Variants in KLF7 observed in about 807,000 individuals in gnomAD.
The protein encoded by KLF7 is Krueppel-like factor 7.
KLF7 carries 2 observed loss-of-function variants against 27.3 expected under a neutral mutation model. That is an observed-to-expected ratio of 0.07 (90% CI 0.03 to 0.23). KLF7 has a LOEUF of 0.23. Ranked by LOEUF, KLF7 falls within the 10% of genes least tolerant of loss-of-function variation. The probability of loss-of-function intolerance (pLI) is 1.00; values close to 1 mark genes in which losing one functional copy is unlikely to be tolerated. For missense variants in KLF7, 221 were observed against 394.1 expected (o/e 0.56, Z 3.72); for synonymous variants, 165 against 162.4 (o/e 1.02, Z -0.12).
chr2:207,128,056 T>C (rs1012193907), intron 1 of KLF7, among the ~76,000 whole-genome samples: 1 of 152,028 alleles, frequency 6.6e-6, no homozygotes, highest in African/African-American at 2.4e-5. Context: ...GGGATCTTGG[T>C]TTCTAAATAT....
intron 2 of KLF7, among the ~76,000 whole-genome samples, chr2:207,088,953 T>A (rs1351984398): frequency 2.0e-5 from 3 of 152,222 alleles, no homozygotes; most frequent in African/African-American, 7.2e-5. Context: ...TGTGCTATTT[T>A]CATCTGAACC....
intron 2 of KLF7, among the ~76,000 whole-genome samples, chr2:207,095,525 C>T (rs1339044718): frequency 6.6e-6 from 1 of 152,234 alleles, no homozygotes; most frequent in East Asian, 1.9e-4. Context: ...TGACTGAATA[C>T]TGCAACTGCT....
chr2:207,075,908 T>G lies in KLF7; in HGVS notation c.*5305A>C, dbSNP rs1652135616. The G allele has an allele frequency of 6.6e-6, 1 of 152,072 alleles. No homozygotes were observed. The highest frequency in any genetic ancestry group is 2.4e-5 in the African/African-American group (1 of 41,396). 9.4% of individuals were successfully genotyped at this position (152,072 alleles called of 1,614,324 possible). A position where few individuals can be genotyped will look rare whatever the true frequency, so the allele number is the denominator to read the frequency against. On this transcript the variant is annotated 3_prime_UTR_variant, in exon 4 of 4. Transcript: ENST00000309446. ...AACCAGCCAATAAGCCCCAAAGCCT[T>G]CAGGACCTAGGTTTGCAGAAATCGT... is the stretch of plus-strand genomic sequence containing the variant.
At chr2:207,087,910 C>A (rs1256793351) in intron 3 of KLF7, among the ~76,000 whole-genome samples, 2 of 151,866 alleles carry the variant, frequency 1.3e-5, no homozygotes, top group Non-Finnish European at 2.9e-5. Context: ...TTTTTTGCAC[C>A]CTTGTACCTA....
rs1307338793 is a variant in KLF7, at chr2:207,165,756, G to T, written c.-188C>A. 2 of 1,440,276 alleles carry T rather than the reference G, an allele frequency of 1.4e-6. No homozygotes were observed. Among genetic ancestry groups the T allele is most frequent in the Non-Finnish European group, 1.8e-6 (2 of 1,103,432 alleles). The allele number at this position is 1,440,276 out of a possible 1,614,324, so 89.2% of individuals were successfully genotyped here. On this transcript the variant is annotated 5_prime_UTR_variant, in exon 1 of 4. Coordinates refer to ENST00000309446, the MANE Select transcript of KLF7 (RefSeq NM_003709.4). ...TGCAGGAGAGGGAGAGAGGAGGTGA[G>T]AGAGGAGCGAGTGAGTGGGGTGGAT...
intron 2 of KLF7, among the ~76,000 whole-genome samples, chr2:207,108,432 A>G (rs1454785695): frequency 6.6e-6 from 1 of 152,254 alleles, no homozygotes; most frequent in Non-Finnish European, 1.5e-5. Context: ...ACAGGAACAC[A>G]GGATCACACA....
chr2:207,162,025 C>A (rs1296085388), intron 1 of KLF7, among the ~76,000 whole-genome samples: 5 of 152,200 alleles, frequency 3.3e-5, no homozygotes, highest in Non-Finnish European at 7.3e-5. Context: ...CCAAATAAGA[C>A]TTAGATCATC....
At chr2:207,148,958 A>G (rs957389448) in intron 1 of KLF7, 2 of 1,015,702 alleles carry the variant, frequency 2.0e-6, no homozygotes, top group African/African-American at 3.5e-5. Context: ...GGTGCCCTTA[A>G]TATATGATAT....
intron 1 of KLF7, among the ~76,000 whole-genome samples, chr2:207,152,272 TACACACACACACAC>T (rs67380335): frequency 1.5e-4 from 22 of 150,462 alleles, no homozygotes; most frequent in African/African-American, 5.4e-4. Flanking sequence ...ATGTTTTTCT[TACACACACACACAC>T]ACACACACAC....
rs981053386 is a variant in KLF7, at chr2:207,078,609, T to C, written c.*2604A>G. On this transcript the variant is annotated 3_prime_UTR_variant, in exon 4 of 4. Coordinates refer to ENST00000309446, the MANE Select transcript of KLF7 (RefSeq NM_003709.4). ...ATTTGCAAATCGTGGTGGCCATGGCTTAATGCCATCACTGGCGTGTGCGTG... is the reference window on the plus strand; with the variant it reads ...ATTTGCAAATCGTGGTGGCCATGGCCTAATGCCATCACTGGCGTGTGCGTG... 1 of 152,256 alleles carries C rather than the reference T, an allele frequency of 6.6e-6. No individual in the cohort carries two copies. The highest frequency in any genetic ancestry group is 2.4e-5 in the African/African-American group (1 of 41,468). 9.4% of individuals were successfully genotyped at this position (152,256 alleles called of 1,614,324 possible). A position where few individuals can be genotyped will look rare whatever the true frequency, so the allele number is the denominator to read the frequency against.
chr2:207,086,935 A>T (rs1327394402), intron 3 of KLF7, among the ~76,000 whole-genome samples: 1 of 152,210 alleles, frequency 6.6e-6, no homozygotes, highest in East Asian at 1.9e-4. Flanking sequence ...TCTCCTTCAA[A>T]AGACTATGGA....
intron 1 of KLF7, among the ~76,000 whole-genome samples, chr2:207,164,303 C>T (rs1231701459): frequency 6.6e-6 from 1 of 152,232 alleles, no homozygotes; most frequent in Admixed American, 6.5e-5. Flanking sequence ...AGCAGCCACA[C>T]ACCGAGCCTC....
At chr2:207,098,621 T>TTATTAC (rs1230511521) in intron 2 of KLF7, among the ~76,000 whole-genome samples, 1 of 150,828 alleles carries the variant, frequency 6.6e-6, no homozygotes, top group Admixed American at 6.6e-5. Flanking sequence ...GACCAAGCTA[T>TTATTAC]TATTATTATT....
upstream of KLF7, chr2:207,166,369 G>C: frequency 5.3e-6 from 1 of 187,268 alleles, no homozygotes; most frequent in Non-Finnish European, 1.0e-5. Context: ...AGGGGGCTGA[G>C]GCGGCCGCCC....
intron 2 of KLF7, among the ~76,000 whole-genome samples, chr2:207,098,494 GATT>G: frequency 6.6e-6 from 1 of 152,146 alleles, no homozygotes; most frequent in East Asian, 1.9e-4. Flanking sequence ...ATAGAAATTT[GATT>G]ATTAAAAAAC....
intron 1 of KLF7, among the ~76,000 whole-genome samples, chr2:207,143,688 C>CTACT (rs1269678964): frequency 6.6e-6 from 1 of 152,162 alleles, no homozygotes; most frequent in Non-Finnish European, 1.5e-5. Flanking sequence ...GGCTATGGAG[C>CTACT]TACTGCTTCT....
At chr2:207,116,859 C>T (rs2077201200) in intron 2 of KLF7, among the ~76,000 whole-genome samples, 1 of 152,096 alleles carries the variant, frequency 6.6e-6, no homozygotes, top group Non-Finnish European at 1.5e-5. Flanking sequence ...TTTCTCTTCT[C>T]CTTCCTCCCA....
At chr2:207,166,250 A>G (rs2106162062), upstream of KLF7, 1 of 921,246 alleles carries the variant, frequency 1.1e-6, no homozygotes, top group Non-Finnish European at 1.3e-6. Context: ...CCCGGAGCAG[A>G]GCCTGGGGCG....
At chr2:207,125,085 C>A (rs887667173) in intron 1 of KLF7, among the ~76,000 whole-genome samples, 1 of 152,188 alleles carries the variant, frequency 6.6e-6, no homozygotes, top group African/African-American at 2.4e-5. Context: ...TACTTTGTGG[C>A]AAGGGGCATA....
Sources: gnomAD v4.1 joint callset for allele counts (sites outside exome capture counted in the v4.1 genomes callset) on GRCh38, gnomAD v4.1.1 for gene constraint, MANE v1.5 for transcripts, NCBI Gene and HGNC (gene_info 2026-07-23, HGNC 2026-07-21) for gene names.